The following SYNPR variants were observed in gnomAD, a reference collection of about 807,000 sequenced individuals.
SYNPR encodes synaptoporin.
A neutral mutation model predicts 32.9 loss-of-function variants in SYNPR; 23 were observed. That is an observed-to-expected ratio of 0.70 (90% confidence interval 0.50 to 0.99). The LOEUF is 0.99. Among genes scored for constraint, SYNPR ranks in the 50% least tolerant of loss-of-function variants. The probability of loss-of-function intolerance (pLI) is 0.00; values close to 1 mark genes in which losing one functional copy is unlikely to be tolerated. For missense variants in SYNPR, 318 were observed against 349.3 expected, an observed-to-expected ratio of 0.91 and a Z score of 0.71; for synonymous variants, 146 against 135.9, an observed-to-expected ratio of 1.07 and a Z score of -0.52.
intron 4 of SYNPR, among the ~76,000 whole-genome samples, chr3:63,573,148 A>G (rs1411281166): frequency 6.6e-6 from 1 of 152,188 alleles, no homozygotes; most frequent in African/African-American, 2.4e-5. Context: ...AGTCTCTCTG[A>G]AGTCACTGAG....
intron 3 of SYNPR, among the ~76,000 whole-genome samples, chr3:63,543,270 T>G (rs1229329174): frequency 1.3e-5 from 2 of 152,134 alleles, no homozygotes; most frequent in Admixed American, 1.3e-4. Flanking sequence ...AAACTAGAGT[T>G]TGAGGATCTC....
chr3:63,547,949 A>G (rs1702437667), intron 3 of SYNPR, among the ~76,000 whole-genome samples: 1 of 152,312 alleles, frequency 6.6e-6, no homozygotes, highest in African/African-American at 2.4e-5. Context: ...ATAAATGTCA[A>G]TCATTGATTG....
intron 3 of SYNPR, among the ~76,000 whole-genome samples, chr3:63,527,107 G>A (rs1175105350): frequency 1.3e-5 from 2 of 152,130 alleles, no homozygotes; most frequent in African/African-American, 4.8e-5. Flanking sequence ...AGGCAGAAAT[G>A]GTGGACAAGG....
At chr3:63,505,480 T>A (rs539543141) in intron 3 of SYNPR, among the ~76,000 whole-genome samples, 1 of 152,204 alleles carries the variant, frequency 6.6e-6, no homozygotes, top group East Asian at 1.9e-4. Context: ...ATTCTGGCCA[T>A]GAAAATGGTC....
chr3:63,223,921 C>T (rs969181527), upstream of SYNPR, among the ~76,000 whole-genome samples: 9 of 152,116 alleles, frequency 5.9e-5, no homozygotes, highest in Non-Finnish European at 1.2e-4. Flanking sequence ...TATCATAGTG[C>T]TTTGCTTGTG....
intron 2 of SYNPR, among the ~76,000 whole-genome samples, chr3:63,473,410 T>A (rs917209856): frequency 1.3e-5 from 2 of 152,152 alleles, no homozygotes; most frequent in African/African-American, 4.8e-5. Flanking sequence ...ATTGATTGAT[T>A]GTATTTCTTT....
chr3:63,381,762 G>T (rs938526014), intron 2 of SYNPR, among the ~76,000 whole-genome samples: 6 of 152,098 alleles, frequency 3.9e-5, no homozygotes, highest in African/African-American at 9.7e-5. Context: ...TTCTCTCTGT[G>T]TATTGTTTCT....
Position 63,487,978 on chromosome 3 carries a change from G to A in SYNPR, c.209+7022G>A, listed in dbSNP as rs187357530. 1.1e-3 allele frequency among the ~76,000 whole-genome samples: 163 copies of A among 152,160 alleles called. 1 individual carries two copies. Among genetic ancestry groups the A allele is most frequent in the African/African-American group, 3.3e-3 (137 of 41,512 alleles). ...CATGACTCTAGCCACTTGCTCTGTC[G>A]TTCCCCCACCCCTGTTTGGAACACG... On this transcript the variant is annotated intron_variant, in intron 3 of 5. Transcript: ENST00000478300.
intron 3 of SYNPR, among the ~76,000 whole-genome samples, chr3:63,500,071 T>C (rs375468076): frequency 7.4e-4 from 113 of 152,318 alleles, no homozygotes; most frequent in African/African-American, 2.6e-3. Context: ...TGACAATTTC[T>C]AGCAGGAAAT....
the SYNPR span, among the ~76,000 whole-genome samples, chr3:63,211,417 G>A: frequency 6.6e-6 from 1 of 152,154 alleles, no homozygotes; most frequent in Non-Finnish European, 1.5e-5. Context: ...ATGATGCCAT[G>A]GCACAAGAGC....
chr3:63,274,630 C>G (rs1044030314), upstream of SYNPR, among the ~76,000 whole-genome samples: 2 of 152,190 alleles, frequency 1.3e-5, no homozygotes, highest in African/African-American at 2.4e-5. Context: ...AGACAGGAAA[C>G]TTGGCAAGCT....
At chr3:63,261,433 G>T (rs942517454) in intron 2 of SYNPR, among the ~76,000 whole-genome samples, 1 of 151,348 alleles carries the variant, frequency 6.6e-6, no homozygotes, top group African/African-American at 2.4e-5. Context: ...GGATGAAATT[G>T]GAAATCATCA....
intron 3 of SYNPR, among the ~76,000 whole-genome samples, chr3:63,495,921 A>T (rs549168973): frequency 6.6e-6 from 1 of 150,512 alleles, no homozygotes; most frequent in African/African-American, 2.5e-5. Context: ...AATGTACAGC[A>T]TCAAGAGTGA....
chr3:63,450,318 C>T (rs935919446), intron 2 of SYNPR, among the ~76,000 whole-genome samples: 1 of 152,164 alleles, frequency 6.6e-6, no homozygotes, highest in Non-Finnish European at 1.5e-5. Context: ...AAGCAGATAA[C>T]ACCTTCAAAC....
At chr3:63,479,756 C>T (rs1407887715) in intron 2 of SYNPR, among the ~76,000 whole-genome samples, 1 of 152,132 alleles carries the variant, frequency 6.6e-6, no homozygotes, top group African/African-American at 2.4e-5. Flanking sequence ...GAAGAGTTAA[C>T]ATCAATGCTA....
intron 2 of SYNPR, among the ~76,000 whole-genome samples, chr3:63,463,152 T>G (rs949181989): frequency 6.6e-6 from 1 of 152,158 alleles, no homozygotes; most frequent in Non-Finnish European, 1.5e-5. Flanking sequence ...GTCACTTTCT[T>G]TTACAGTCGA....
In SYNPR at chr3:63,389,379, C is replaced by T. The variant is rs566798283; in HGVS notation, c.85-91453C>T. Among the ~76,000 whole-genome samples, 3 of 152,280 alleles carry T rather than the reference C, an allele frequency of 2.0e-5. No individual in the cohort carries two copies. The South Asian group carries it at 6.2e-4, about 32-fold the overall frequency. On this transcript the variant is annotated intron_variant, in intron 2 of 5. Transcript: ENST00000478300. ...GTCTAAAATGATGTTGTCACATTGG[C>T]TTCATTCTCAGGCAGGCTCTCCCAA...
intron 4 of SYNPR, among the ~76,000 whole-genome samples, chr3:63,573,619 T>A (rs139529169): frequency 0.013 from 1,950 of 152,282 alleles, 25 homozygotes; most frequent in Middle Eastern, 0.031. Context: ...AGAGAAGTTA[T>A]CAATTGCCAA....
chr3:63,425,486 G>A (rs1328993532), intron 2 of SYNPR, among the ~76,000 whole-genome samples: 1 of 152,158 alleles, frequency 6.6e-6, no homozygotes, highest in Non-Finnish European at 1.5e-5. Flanking sequence ...AACTCCTCAT[G>A]TAGGAATAAG....
Sources: allele counts gnomAD v4.1 joint callset (sites outside exome capture counted in the v4.1 genomes callset), GRCh38; gene constraint gnomAD v4.1.1; transcripts MANE v1.5; gene names NCBI Gene and HGNC (gene_info 2026-07-23, HGNC 2026-07-21).